The following SPICE1 variants were observed in gnomAD, a reference collection of about 807,000 sequenced individuals.
The protein encoded by SPICE1 is spindle and centriole-associated protein 1.
Under a neutral mutation model 102.7 loss-of-function variants are expected in SPICE1, and 75 were observed. The ratio of observed to expected loss-of-function variants is 0.73; its 90% CI spans 0.61 to 0.88. The LOEUF (loss-of-function observed/expected upper bound fraction) is 0.88. Among genes scored for constraint, SPICE1 ranks in the 40% least tolerant of loss-of-function variants. The pLI, the probability that SPICE1 is intolerant of heterozygous loss-of-function variation, is 0.00. For synonymous variants in SPICE1, 308 were observed against 350.3 expected (o/e 0.88, Z 1.35); for missense variants, 979 against 1,020.1 (o/e 0.96, Z 0.55).
At chr3:113,467,943 T>C (rs1313701385) in intron 10 of SPICE1, among the ~76,000 whole-genome samples, 196 bp downstream of exon 10, 1 of 152,234 alleles carries the variant, frequency 6.6e-6, no homozygotes, top group Non-Finnish European at 1.5e-5. Flanking sequence ...AAATCACTTA[T>C]CTGAGCATGT....
intron 4 of SPICE1, 25 bp from the exon 5 acceptor site, chr3:113,494,167 T>TAATCTGAATAA: frequency 1.4e-6 from 2 of 1,459,834 alleles, no homozygotes; most frequent in Non-Finnish European, 1.9e-6. Flanking sequence ...ATGACAAATA[T>TAATCTGAATAA]TATTATTCAG....
In SPICE1 at chr3:113,468,249, C is replaced by T. The variant is rs1437322814; in HGVS notation, c.1045G>A (p.Glu349Lys). The change falls in exon 10 of 18, where the codon GAG (glutamate) becomes AAG (lysine). Residue 349 changes from glutamate to lysine, a missense_variant. Glu to Lys is a moderately conservative substitution (Grantham distance 56). Transcript: ENST00000295872. ...TTGACCTCGCGACCTGTCCACCGCT[C>T]ATATTCTTCCATTTCATGTTCCACT... is the stretch of plus-strand genomic sequence containing the variant. Reference protein sequence around the residue: ...HEVEHEMEEYERWTGREVKGL... With the variant: ...HEVEHEMEEYKRWTGREVKGL... The T allele has an allele frequency of 6.2e-7, 1 of 1,614,144 alleles. No homozygotes were observed. Among genetic ancestry groups the T allele is most frequent in the South Asian group, 1.1e-5 (1 of 91,078 alleles).
At chr3:113,485,321 T>C (rs1936620839) in intron 7 of SPICE1, among the ~76,000 whole-genome samples, 1 of 151,888 alleles carries the variant, frequency 6.6e-6, no homozygotes, top group African/African-American at 2.4e-5. Context: ...CAAACTAAGA[T>C]CCACTGACTT....
intron 7 of SPICE1, among the ~76,000 whole-genome samples, chr3:113,480,276 G>T (rs915597775): frequency 3.3e-5 from 5 of 149,732 alleles, no homozygotes; most frequent in African/African-American, 1.2e-4. Flanking sequence ...AAAGCTATCA[G>T]CCTCAAAAAA....
At chr3:113,509,707 G>T (rs1036078297) in intron 1 of SPICE1, among the ~76,000 whole-genome samples, 1 of 152,182 alleles carries the variant, frequency 6.6e-6, no homozygotes, top group Non-Finnish European at 1.5e-5. Context: ...TGCTGATATG[G>T]TTTGGCTGAG....
chr3:113,509,525 T>C (rs561311097), intron 1 of SPICE1, among the ~76,000 whole-genome samples: 1 of 152,340 alleles, frequency 6.6e-6, no homozygotes, highest in East Asian at 1.9e-4. Flanking sequence ...CACTTATCTC[T>C]GCTAAGAGCT....
intron 6 of SPICE1, among the ~76,000 whole-genome samples, chr3:113,491,339 G>C (rs2107492975): frequency 6.6e-6 from 1 of 152,180 alleles, no homozygotes; most frequent in Non-Finnish European, 1.5e-5. Flanking sequence ...ATCTATAGCA[G>C]GCCGGGCGTG....
chr3:113,494,252 C>T (rs1936825213), intron 4 of SPICE1, 110 bp from the exon 5 acceptor site: 1 of 665,124 alleles, frequency 1.5e-6, no homozygotes, highest in African/African-American at 1.8e-5. Flanking sequence ...CATAGGCTAC[C>T]TTCCTAAAAA....
chr3:113,478,187 A>C (rs1936406798), intron 7 of SPICE1, among the ~76,000 whole-genome samples: 2 of 152,290 alleles, frequency 1.3e-5, no homozygotes, highest in African/African-American at 4.8e-5. Flanking sequence ...ACTATAAAAT[A>C]ATGTGATGAA....
chr3:113,466,299 G>A (rs1487510493), intron 10 of SPICE1, among the ~76,000 whole-genome samples: 1 of 152,170 alleles, frequency 6.6e-6, no homozygotes, highest in African/African-American at 2.4e-5. Context: ...TGTAAAACAA[G>A]TGATTAGCTT....
rs1165475734 is a variant in SPICE1, at chr3:113,497,707, C to CTT, written c.291+1730_291+1731dup. Among the ~76,000 whole-genome samples the CTT allele has an allele frequency of 3.9e-3, 357 of 91,324 alleles. 6 individuals are homozygous for CTT. Among genetic ancestry groups the CTT allele is most frequent in the African/African-American group, 7.5e-3 (165 of 21,966 alleles). The allele number at this position is 91,324 out of a possible 152,430, so 59.9% of individuals were successfully genotyped here. A position where few individuals can be genotyped will look rare whatever the true frequency, so the allele number is the denominator to read the frequency against. ...TAGAGAGAGAGAGAGAGAAAGAGAG[C>CTT]TTTTTTTTTTTTTTTTTTTTTTGAG... On this transcript the variant is annotated intron_variant, in intron 4 of 17. Coordinates refer to ENST00000295872, the MANE Select transcript of SPICE1 (RefSeq NM_144718.4).
At chr3:113,461,255 G>A (rs1328184962) in intron 11 of SPICE1, among the ~76,000 whole-genome samples, 4 of 151,572 alleles carry the variant, frequency 2.6e-5, no homozygotes, top group African/African-American at 9.7e-5. Context: ...TTACATACGT[G>A]CATGAGAGAG....
At chr3:113,475,407 A>C (rs1286438455) in intron 7 of SPICE1, among the ~76,000 whole-genome samples, 2 of 151,978 alleles carry the variant, frequency 1.3e-5, no homozygotes, top group Non-Finnish European at 2.9e-5. Flanking sequence ...CAATAGAAAA[A>C]GAGGGAATCC....
Position 113,457,298 on chromosome 3 carries a change from C to T in SPICE1, c.1495G>A (p.Glu499Lys). The T allele has an allele frequency of 6.2e-7, 1 of 1,614,196 alleles. No individual in the cohort carries two copies. Among genetic ancestry groups the T allele is most frequent in the South Asian group, 1.1e-5 (1 of 91,078 alleles). Residue 499 changes from glutamate (E) to lysine (K), a missense_variant, in exon 13 of 18, where the codon GAA becomes AAA. Coordinates refer to ENST00000295872, the MANE Select transcript of SPICE1 (RefSeq NM_144718.4). ...ACGGGCAACTCTTCCTGTGGGAATT[C>T]AGCCACTTCCTCTCTGAACATCAAT... is the stretch of plus-strand genomic sequence containing the variant. ...VPLMFREEVA[E>K]FPQEELPVKL...
At chr3:113,480,245 C>T (rs558797715) in intron 7 of SPICE1, among the ~76,000 whole-genome samples, 2 of 149,938 alleles carry the variant, frequency 1.3e-5, no homozygotes, top group African/African-American at 2.4e-5. Context: ...AAGCACCATG[C>T]GCAAATAGTT....
intron 17 of SPICE1, among the ~76,000 whole-genome samples, chr3:113,445,927 C>A (rs990656131): frequency 2.0e-5 from 3 of 152,114 alleles, no homozygotes; most frequent in African/African-American, 7.2e-5. Flanking sequence ...TGGCTCAAGT[C>A]TACAAAATTA....
rs1312678895 is a variant in SPICE1 at position 113,443,632 on chromosome 3, C to T, written c.*1675G>A. 1 of 152,148 alleles carries T rather than the reference C, an allele frequency of 6.6e-6. No homozygotes were observed. Among genetic ancestry groups the T allele is most frequent in the African/African-American group, 2.4e-5 (1 of 41,430 alleles). 9.4% of individuals were successfully genotyped at this position (152,148 alleles called of 1,614,324 possible). A position where few individuals can be genotyped will look rare whatever the true frequency, so the allele number is the denominator to read the frequency against. On this transcript the variant is annotated 3_prime_UTR_variant, in exon 18 of 18. Transcript: ENST00000295872. ...GCTATTCTTATTATTATGCTGCTTC[C>T]ATACTACACACACTGTAAAACAGGT...
At chr3:113,488,535 A>G (rs75469379) in intron 7 of SPICE1, among the ~76,000 whole-genome samples, 6,526 of 152,296 alleles carry the variant, frequency 0.043, 168 homozygotes, top group East Asian at 0.1. Flanking sequence ...CTTACTTGCT[A>G]AGGAGCTAAG....
chr3:113,466,137 C>T (rs1489079793), intron 10 of SPICE1, among the ~76,000 whole-genome samples: 1 of 152,152 alleles, frequency 6.6e-6, no homozygotes, highest in Non-Finnish European at 1.5e-5. Context: ...TATAAATAAG[C>T]AAACAGGCTA....
Sources: allele counts gnomAD v4.1 joint callset (sites outside exome capture counted in the v4.1 genomes callset), GRCh38; gene constraint gnomAD v4.1.1; transcripts MANE v1.5; gene names NCBI Gene and HGNC (gene_info 2026-07-23, HGNC 2026-07-21).